IFT52: variants seen among roughly 807,000 people sequenced by gnomAD.
IFT52 encodes intraflagellar transport 52.
In IFT52, 44 loss-of-function variants were observed where a neutral mutation model predicts 54.4. That is an observed-to-expected ratio of 0.81 (90% CI 0.63 to 1.04). The LOEUF (loss-of-function observed/expected upper bound fraction) is 1.04. IFT52 is among the 50% of genes least tolerant of loss of function. The pLI is 0.00. For missense variants in IFT52, 452 were observed against 523.6 expected, an observed-to-expected ratio of 0.86 and a Z score of 1.33; for synonymous variants, 181 against 185.3, an observed-to-expected ratio of 0.98 and a Z score of 0.19.
chr20:43,638,930 G>A (rs1413049641), intron 12 of IFT52, among the ~76,000 whole-genome samples: 1 of 152,172 alleles, frequency 6.6e-6, no homozygotes, highest in Non-Finnish European at 1.5e-5. Context: ...CAGTGTAAAC[G>A]AAGACCTTTA....
rs534765539 is a variant in IFT52, at chr20:43,627,916, G to A, written c.923+3871G>A. 5.9e-3 allele frequency among the ~76,000 whole-genome samples: 654 copies of A among 110,212 alleles called. 7 individuals are homozygous for A. Among genetic ancestry groups the A allele is most frequent in the African/African-American group, 0.023 (616 of 27,270 alleles). 72.3% of individuals were successfully genotyped at this position (110,212 alleles called of 152,430 possible). A position where few individuals can be genotyped will look rare whatever the true frequency, so the allele number is the denominator to read the frequency against. On this transcript the variant is annotated intron_variant, in intron 10 of 13. Transcript: ENST00000373030. ...TGTCATATATATATAGAGAGAGAGA[G>A]AGAGAGTTTTTTTTTTTTTTTTTTT...
Position 43,618,979 on chromosome 20 carries a change from A to T in IFT52, c.652A>T (p.Met218Leu). The T allele has an allele frequency of 6.2e-7, 1 of 1,614,106 alleles. No individual in the cohort carries two copies. Among genetic ancestry groups the T allele is most frequent in the Non-Finnish European group, 8.5e-7 (1 of 1,179,976 alleles). ...GKLAVLGSCH[M>L]FSDQYLDKEE... is the part of the protein sequence containing the mutation. ...GCTGGCAGTGCTTGGTTCATGTCAC[A>T]TGTTCAGTGATCAATATTTGGACAA... The change falls in exon 8 of 14, where the codon ATG becomes TTG. Residue 218 changes from methionine (M) to leucine (L), a missense_variant. Physicochemically the swap from Met to Leu is conservative, Grantham distance 15. Transcript: ENST00000373030.
intron 7 of IFT52, among the ~76,000 whole-genome samples, chr20:43,616,284 A>G (rs548293948): frequency 6.6e-6 from 1 of 152,188 alleles, no homozygotes; most frequent in South Asian, 2.1e-4. Flanking sequence ...AGGCGGGCAA[A>G]TCACTTGAGG....
At chr20:43,596,743 T>TC (rs1232871881) in intron 3 of IFT52, among the ~76,000 whole-genome samples, 20 of 141,534 alleles carry the variant, frequency 1.4e-4, no homozygotes, top group Non-Finnish European at 3.0e-4. Flanking sequence ...CTTCTTTTTT[T>TC]TTTTTTTTTT....
chr20:43,591,518 C>T (rs1296879512), intron 1 of IFT52, among the ~76,000 whole-genome samples: 2 of 151,972 alleles, frequency 1.3e-5, no homozygotes, highest in African/African-American at 4.8e-5. Context: ...GGAACGCAGA[C>T]CTGCTACTCT....
At chr20:43,624,123 G>A (rs1984549958) in intron 10 of IFT52, 78 bp downstream of exon 10, 1 of 1,437,202 alleles carries the variant, frequency 7.0e-7, no homozygotes, top group East Asian at 2.3e-5. Flanking sequence ...CTGGGAACGG[G>A]AATTAGGGTC....
intron 3 of IFT52, among the ~76,000 whole-genome samples, chr20:43,600,344 A>C (rs1986255): frequency 6.7e-6 from 1 of 150,252 alleles, no homozygotes; most frequent in Non-Finnish European, 1.5e-5. Context: ...TTGCTCTGTC[A>C]CCCAGGCTGG....
intron 7 of IFT52, among the ~76,000 whole-genome samples, chr20:43,615,351 G>A (rs866919964): frequency 2.6e-5 from 4 of 151,806 alleles, no homozygotes; most frequent in African/African-American, 4.8e-5. Flanking sequence ...CCCCCACTGC[G>A]TTTTAATTCA....
rs764455585 is a variant in IFT52, at chr20:43,605,067, A to G, written c.479A>G (p.Asn160Ser). The G allele has an allele frequency of 1.6e-5, 26 of 1,613,366 alleles. No individual in the cohort carries two copies. The highest frequency in any genetic ancestry group is 2.2e-5 in the East Asian group (1 of 44,894). ...ATTGATGAGGAAAGCAGTGGAAACAATGCCCAGTGAGTGTGTTTTCTGATG... is the reference window on the plus strand; with the variant it reads ...ATTGATGAGGAAAGCAGTGGAAACAGTGCCCAGTGAGTGTGTTTTCTGATG... ...GIIDEESSGNNAQALTFVYPF... is the reference protein window; with the variant it reads ...GIIDEESSGNSAQALTFVYPF... The change falls in exon 6 of 14, where the codon AAT (asparagine) becomes AGT (serine). Residue 160 changes from asparagine (N) to serine (S), a missense_variant. Asn to Ser is a conservative substitution (Grantham distance 46, BLOSUM62 1). Coordinates refer to ENST00000373030, the MANE Select transcript of IFT52 (RefSeq NM_016004.5).
chr20:43,597,755 G>A (rs1173224984), intron 3 of IFT52, among the ~76,000 whole-genome samples: 4 of 151,964 alleles, frequency 2.6e-5, no homozygotes, highest in Non-Finnish European at 5.9e-5. Flanking sequence ...TTAGCCGGGC[G>A]TGATGGTGTG....
chr20:43,627,234 G>A (rs944400773), intron 10 of IFT52, among the ~76,000 whole-genome samples: 1 of 152,090 alleles, frequency 6.6e-6, no homozygotes, highest in African/African-American at 2.4e-5. Context: ...GCCAGCGAGT[G>A]TGAGATGAAG....
At chr20:43,595,351 C>G (rs1981864368) in intron 2 of IFT52, among the ~76,000 whole-genome samples, 1 of 147,750 alleles carries the variant, frequency 6.8e-6, no homozygotes, top group Non-Finnish European at 1.5e-5. Flanking sequence ...AAGATCAAGA[C>G]CATCCTGGCC....
At chr20:43,634,939 G>C (rs956769797) in intron 10 of IFT52, among the ~76,000 whole-genome samples, 1 of 152,074 alleles carries the variant, frequency 6.6e-6, no homozygotes, top group Non-Finnish European at 1.5e-5. Context: ...GGGAGACTGA[G>C]GCGGGTGGAT....
At chr20:43,627,000 A>G (rs1415642216) in intron 10 of IFT52, among the ~76,000 whole-genome samples, 1 of 151,988 alleles carries the variant, frequency 6.6e-6, no homozygotes, top group Non-Finnish European at 1.5e-5. Flanking sequence ...CCCCATCTCT[A>G]CTAAAAATAG....
At chr20:43,626,977 C>A (rs1984767722) in intron 10 of IFT52, among the ~76,000 whole-genome samples, 2 of 152,028 alleles carry the variant, frequency 1.3e-5, no homozygotes, top group Middle Eastern at 6.8e-3. Context: ...CCAGCCTGGC[C>A]AACATGGTGA....
chr20:43,598,290 C>T (rs1269883947), intron 3 of IFT52, among the ~76,000 whole-genome samples: 4 of 152,054 alleles, frequency 2.6e-5, no homozygotes, highest in Non-Finnish European at 5.9e-5. Context: ...TTGCCAGGGC[C>T]TGGGGGAGGT....
chr20:43,594,707 A>C lies in IFT52; in HGVS notation c.9A>C (p.Lys3Asn). 1.3e-6 allele frequency: 2 copies of C among 1,585,166 alleles called. No homozygotes were observed. The highest frequency in any genetic ancestry group is 1.7e-6 in the Non-Finnish European group (2 of 1,153,970). ME[K>N]ELRSTILFNA... ...TCTTCCATAAGGTAACCATGGAGAA[A>C]GAGCTGCGGAGCACCATTCTTTTCA... The change falls in exon 2 of 14, where the codon AAA becomes AAC. Residue 3 changes from lysine to asparagine, a missense_variant. Lys to Asn is a moderately conservative substitution (Grantham distance 94). Transcript: ENST00000373030.
chr20:43,603,041 A>G (rs943059501), intron 3 of IFT52, among the ~76,000 whole-genome samples: 1 of 152,206 alleles, frequency 6.6e-6, no homozygotes, highest in Non-Finnish European at 1.5e-5. Flanking sequence ...ATGTATTTAT[A>G]TACATGTTCA....
intron 12 of IFT52, among the ~76,000 whole-genome samples, chr20:43,639,224 A>T (rs1352893252): frequency 3.5e-5 from 4 of 113,818 alleles, no homozygotes; most frequent in Non-Finnish European, 5.3e-5. Context: ...GGTCACATAG[A>T]CCCCATCTCT....
Sources: allele counts gnomAD v4.1 joint callset (sites outside exome capture counted in the v4.1 genomes callset), GRCh38; gene constraint gnomAD v4.1.1; transcripts MANE v1.5; gene names NCBI Gene and HGNC (gene_info 2026-07-23, HGNC 2026-07-21).